The following ZNF106 variants were observed in gnomAD, a reference collection of about 807,000 sequenced individuals.
ZNF106 encodes the protein zinc finger protein 106.
A neutral mutation model predicts 195.1 loss-of-function variants in ZNF106; 67 were observed. That is an observed-to-expected ratio of 0.34 (90% CI 0.28 to 0.42). The LOEUF (loss-of-function observed/expected upper bound fraction) is 0.42, where lower values mean the gene tolerates loss of function less well. ZNF106 is among the 10% of genes least tolerant of loss of function. ZNF106 has a pLI of 1.00. For missense variants in ZNF106, 2,118 were observed against 2,304.5 expected (o/e 0.92, Z 1.66); for synonymous variants, 784 against 818.6 (o/e 0.96, Z 0.72).
intron 3 of ZNF106, 120 bp from the exon 4 acceptor site, chr15:42,457,278 C>T (rs62022313): frequency 0.13 from 202,399 of 1,537,614 alleles, 14,704 homozygotes; most frequent in Non-Finnish European, 0.15. Context: ...AAAATTAGTG[C>T]TAATTAATTT....
At chr15:42,460,751 T>G (rs937629488) in intron 3 of ZNF106, among the ~76,000 whole-genome samples, 7 of 151,866 alleles carry the variant, frequency 4.6e-5, no homozygotes, top group Non-Finnish European at 7.4e-5. Context: ...TCCCAACTAC[T>G]TGGGAGGTTG....
chr15:42,468,018 C>G (rs1252299592), intron 2 of ZNF106, among the ~76,000 whole-genome samples: 1 of 147,386 alleles, frequency 6.8e-6, no homozygotes, highest in African/African-American at 2.5e-5. Context: ...CCCACTGTTA[C>G]TTAAAGTTAT....
chr15:42,435,793 C>T (rs2055252017), intron 13 of ZNF106, among the ~76,000 whole-genome samples: 1 of 152,038 alleles, frequency 6.6e-6, no homozygotes, highest in South Asian at 2.1e-4. Context: ...TTTTAATTAA[C>T]GTTTAGGGCA....
At chr15:42,422,184 T>C (rs992642495) in intron 18 of ZNF106, among the ~76,000 whole-genome samples, 196 bp from the exon 19 acceptor site, 2 of 152,066 alleles carry the variant, frequency 1.3e-5, no homozygotes, top group Non-Finnish European at 2.9e-5. Context: ...AGCTGGTAAT[T>C]AGAAGTAATA....
At chr15:42,444,341 T>A (rs2055681964) in intron 8 of ZNF106, 79 bp from the exon 9 acceptor site, 2 of 1,141,994 alleles carry the variant, frequency 1.8e-6, no homozygotes, top group South Asian at 2.6e-5. Context: ...TTCTTCTATG[T>A]CCTGACCAAA....
chr15:42,474,852 C>T (rs374613770), intron 1 of ZNF106, among the ~76,000 whole-genome samples: 14 of 152,148 alleles, frequency 9.2e-5, no homozygotes, highest in African/African-American at 3.4e-4. Context: ...TTCCTCAAGT[C>T]CCTGCTAGAG....
chr15:42,482,522 GTT>G (rs905219332), intron 1 of ZNF106, among the ~76,000 whole-genome samples: 131 of 82,520 alleles, frequency 1.6e-3, no homozygotes, highest in Non-Finnish European at 2.4e-3. Context: ...GAAATCTCCA[GTT>G]TTTTTTTTTT....
At chr15:42,476,731 G>A (rs981459208) in intron 1 of ZNF106, among the ~76,000 whole-genome samples, 2 of 151,994 alleles carry the variant, frequency 1.3e-5, no homozygotes, top group Admixed American at 6.6e-5. Flanking sequence ...AGGAAGCAGC[G>A]GAGGGGTTGG....
intron 1 of ZNF106, chr15:42,490,208 A>C (rs1224965737): frequency 6.6e-6 from 1 of 151,566 alleles, no homozygotes; most frequent in Non-Finnish European, 1.5e-5. Flanking sequence ...CCAGCCTGGC[A>C]ACAAGAGCGA....
In ZNF106 at chr15:42,437,355, A is replaced by G; in HGVS notation, c.4623T>C (p.Asp1541=). ...AGCTTCCTTCTGTGGGTTCATCATC[A>G]TCTCCTGGCTCTGAAGATATTTCTG... The part of the protein sequence containing the change: ...NSSEISSEPG[D]DDEPTEGSFE... The change falls in exon 13 of 22, where the codon GAT becomes GAC. Residue 1541 remains aspartate (D), a synonymous_variant. Transcript: ENST00000564754. The G allele has an allele frequency of 6.2e-7, 1 of 1,613,940 alleles. No homozygotes were observed. Among genetic ancestry groups the G allele is most frequent in the Non-Finnish European group, 8.5e-7 (1 of 1,179,986 alleles).
At chr15:42,453,057 T>C (rs1481010485) in intron 4 of ZNF106, among the ~76,000 whole-genome samples, 1 of 152,206 alleles carries the variant, frequency 6.6e-6, no homozygotes, top group African/African-American at 2.4e-5. Flanking sequence ...TTTCCAGTTG[T>C]AGGTTCTTTC....
At chr15:42,482,503 G>C (rs1217384413) in intron 1 of ZNF106, among the ~76,000 whole-genome samples, 1 of 148,558 alleles carries the variant, frequency 6.7e-6, no homozygotes, top group Non-Finnish European at 1.5e-5. Flanking sequence ...TGTCTCTTAG[G>C]CAGTAGATGA....
At chr15:42,465,085 A>G (rs1456254618) in intron 3 of ZNF106, among the ~76,000 whole-genome samples, 1 of 152,210 alleles carries the variant, frequency 6.6e-6, no homozygotes. Context: ...ATAGACTAAT[A>G]CAATGGGGTT....
intron 2 of ZNF106, among the ~76,000 whole-genome samples, chr15:42,466,495 CT>C (rs1416187008): frequency 2.6e-5 from 4 of 152,116 alleles, no homozygotes; most frequent in South Asian, 2.1e-4. Flanking sequence ...TATTTGGCTT[CT>C]TTTATCCACA....
intron 14 of ZNF106, among the ~76,000 whole-genome samples, chr15:42,430,240 A>G (rs945861259): frequency 2.0e-5 from 3 of 152,048 alleles, no homozygotes; most frequent in Non-Finnish European, 4.4e-5. Context: ...AGTTTTTGCT[A>G]ATATTGTGAG....
chr15:42,476,574 T>C (rs1595494562), intron 1 of ZNF106, among the ~76,000 whole-genome samples: 1 of 152,318 alleles, frequency 6.6e-6, no homozygotes, highest in East Asian at 1.9e-4. Context: ...GTGCTGGGAT[T>C]ACAGGTGTGA....
At position 42,417,830 on chromosome 15, in the gene ZNF106, A is replaced by C; in HGVS notation, c.5639T>G (p.Phe1880Cys). The change falls in exon 21 of 22, where the codon TTC becomes TGC. Residue 1880 changes from phenylalanine to cysteine, a missense_variant. By Grantham distance (205) the Phe-to-Cys change is radical. Transcript: ENST00000564754. ...KCRWKNCDAF[F>C]TARKGSKQDA... ...CTGTTTGGATCCTTTCCTAGCAGTG[A>C]AAAAAGCATCGCAGTTCTTCCAGCG... 1 of 1,613,682 alleles carries C rather than the reference A, an allele frequency of 6.2e-7. No individual in the cohort carries two copies. Among genetic ancestry groups the C allele is most frequent in the South Asian group, 1.1e-5 (1 of 91,018 alleles).
At position 42,414,470 on chromosome 15, in the gene ZNF106, A is replaced by C. The variant is rs2054376555; in HGVS notation, c.*2834T>G. 1 of 152,260 alleles carries C rather than the reference A, an allele frequency of 6.6e-6. No homozygotes were observed. Among genetic ancestry groups the C allele is most frequent in the African/African-American group, 2.4e-5 (1 of 41,462 alleles). 9.4% of individuals were successfully genotyped at this position (152,260 alleles called of 1,614,324 possible). On this transcript the variant is annotated 3_prime_UTR_variant, in exon 22 of 22. Coordinates refer to ENST00000564754, the MANE Select transcript of ZNF106 (RefSeq NM_001366845.3). ...AAAAAAAGCCTTTGTGAAATGAAGAAAAATATGACAAACACAGGTTCCCAC... is the reference window on the plus strand; with the variant it reads ...AAAAAAAGCCTTTGTGAAATGAAGACAAATATGACAAACACAGGTTCCCAC...
chr15:42,466,850 C>G (rs1003480953), intron 2 of ZNF106, among the ~76,000 whole-genome samples: 1 of 152,096 alleles, frequency 6.6e-6, no homozygotes, highest in Admixed American at 6.6e-5. Context: ...AAAACATGCA[C>G]ACGGCTGGGC....
Sources: gnomAD v4.1 joint callset for allele counts (sites outside exome capture counted in the v4.1 genomes callset) on GRCh38, gnomAD v4.1.1 for gene constraint, MANE v1.5 for transcripts, NCBI Gene and HGNC (gene_info 2026-07-23, HGNC 2026-07-21) for gene names.